ZDHHC22: variants seen among roughly 807,000 people sequenced by gnomAD.
ZDHHC22 encodes the protein palmitoyltransferase ZDHHC22.
A neutral mutation model predicts 17.0 loss-of-function variants in ZDHHC22; 13 were observed. That is an observed-to-expected ratio of 0.76 (90% CI 0.50 to 1.21). The LOEUF is 1.21. ZDHHC22 is among the 50% of genes most tolerant of loss of function. The pLI is 0.00. For missense variants in ZDHHC22, 319 were observed against 342.3 expected, an observed-to-expected ratio of 0.93 and a Z score of 0.54; for synonymous variants, 138 against 154.7, an observed-to-expected ratio of 0.89 and a Z score of 0.80.
At position 77,137,577 on chromosome 14, in the gene ZDHHC22, C is replaced by T. The variant is rs946850129; in HGVS notation, c.526+1636G>A. Among the ~76,000 whole-genome samples the T allele has an allele frequency of 3.7e-5, 4 of 108,792 alleles. 1 individual carries two copies. The highest frequency in any genetic ancestry group is 7.2e-5 in the African/African-American group (2 of 27,636). 71.4% of individuals were successfully genotyped at this position (108,792 alleles called of 152,430 possible). ...CTCCCCCGTCCTGGTTATTTTGGTC[C>T]CGGCAGCCTCCTGTGCCAGTGCTGG... On this transcript the variant is annotated intron_variant, in intron 2 of 2. Coordinates refer to ENST00000319374, the MANE Select transcript of ZDHHC22 (RefSeq NM_174976.2).
chr14:77,135,193 G>GGGT (rs1462283146), intron 2 of ZDHHC22, among the ~76,000 whole-genome samples: 2 of 150,490 alleles, frequency 1.3e-5, no homozygotes, highest in Admixed American at 6.6e-5. Flanking sequence ...CCTCTGGTGG[G>GGGT]GGGGGGGCAC....
At chr14:77,138,461 G>A (rs1367921491) in intron 2 of ZDHHC22, among the ~76,000 whole-genome samples, 1 of 152,286 alleles carries the variant, frequency 6.6e-6, no homozygotes, top group East Asian at 1.9e-4. Flanking sequence ...GGGAGGTTGA[G>A]GCAAGAGAAT....
At position 77,131,557 on chromosome 14, in the gene ZDHHC22, C is replaced by A. The variant is rs537723098; in HGVS notation, c.*2126G>T. 2.0e-5 allele frequency: 3 copies of A among 152,340 alleles called. No individual in the cohort carries two copies. The South Asian group carries it at 6.2e-4, about 32-fold the overall frequency. The allele number at this position is 152,340 out of a possible 1,614,324, so 9.4% of individuals were successfully genotyped here. A position where few individuals can be genotyped will look rare whatever the true frequency, so the allele number is the denominator to read the frequency against. On this transcript the variant is annotated 3_prime_UTR_variant, in exon 3 of 3. Transcript: ENST00000319374. ...AAAATTGCCCAGATCTTCCCCTCCT[C>A]CCTCTCCCTCCCATTGCTTAAGTAT...
Position 77,140,795 on chromosome 14 carries a change from C to T in ZDHHC22, c.-15+808G>A, listed in dbSNP as rs930594347. Reference sequence around the variant, plus strand: ...ATCGACCCCGCCGCCGTGCTCAGCCCTCACCACGTCCCCATCCCACCCCAC... The same window carrying T: ...ATCGACCCCGCCGCCGTGCTCAGCCTTCACCACGTCCCCATCCCACCCCAC... On this transcript the variant is annotated intron_variant, in intron 1 of 2. Coordinates refer to ENST00000319374, the MANE Select transcript of ZDHHC22 (RefSeq NM_174976.2). This position sits in a 1 kb window ranked among gnomAD's most constrained non-coding sequence, Gnocchi z 5.9. 5.3e-5 allele frequency: 8 copies of T among 152,244 alleles called. No homozygotes were observed. Among genetic ancestry groups the T allele is most frequent in the African/African-American group, 1.9e-4 (8 of 41,446 alleles). The allele number at this position is 152,244 out of a possible 1,614,324, so 9.4% of individuals were successfully genotyped here.
chr14:77,139,491 G>C lies in ZDHHC22; in HGVS notation c.248C>G (p.Ser83Trp), dbSNP rs200313152. The change falls in exon 2 of 3, where the codon TCG becomes TGG. Residue 83 changes from serine to tryptophan, a missense_variant. Coordinates refer to ENST00000319374, the MANE Select transcript of ZDHHC22 (RefSeq NM_174976.2). ...TGAGGGGCATGGAGTCTTCCTGGCC[G>C]AGGCCCCCTGGCAGGCCCCCAGGTC... is the stretch of plus-strand genomic sequence containing the variant. ...PDDLGACQGA[S>W]ARKTPCPSPS... 1.8e-4 allele frequency: 291 copies of C among 1,612,668 alleles called. No homozygotes were observed. The African/African-American group carries it at 3.1e-3, about 17-fold the overall frequency.
chr14:77,134,071 G>T (rs1483314532), intron 2 of ZDHHC22, 123 bp from the exon 3 acceptor site: 6 of 1,237,318 alleles, frequency 4.8e-6, no homozygotes, highest in African/African-American at 1.5e-5. Flanking sequence ...GCTACATTTT[G>T]TAGCAACCTC....
rs1322975148 is a variant in ZDHHC22, at chr14:77,139,715, G to A, written c.24C>T (p.Asn8=). ...ACAAGAAGTAGGCGGGGGCCACCAC[G>A]TTGAGCAGCCGCAGGGCCAGCATCC... MLALRLL[N]VVAPAYFLCI... Residue 8 remains asparagine, a synonymous_variant, in exon 2 of 3, where the codon AAC becomes AAT. Transcript: ENST00000319374. The A allele has an allele frequency of 3.3e-6, 5 of 1,516,938 alleles. No homozygotes were observed. Among genetic ancestry groups the A allele is most frequent in the Non-Finnish European group, 3.5e-6 (4 of 1,132,762 alleles). The allele number at this position is 1,516,938 out of a possible 1,614,324, so 94.0% of individuals were successfully genotyped here.
At chr14:77,141,176 G>C (rs575066609) in intron 1 of ZDHHC22, 1 of 152,086 alleles carries the variant, frequency 6.6e-6, no homozygotes, top group South Asian at 2.1e-4. Flanking sequence ...GCCGCCGGGG[G>C]CTGCGGCGGT....
At chr14:77,134,051 T>C (rs1455748163) in intron 2 of ZDHHC22, 103 bp from the exon 3 acceptor site, 1 of 1,346,950 alleles carries the variant, frequency 7.4e-7, no homozygotes, top group Middle Eastern at 2.5e-4. Context: ...GGGAGATTAA[T>C]GAGATTGACG....
intron 2 of ZDHHC22, among the ~76,000 whole-genome samples, chr14:77,135,550 G>A (rs1226475994): frequency 1.3e-5 from 2 of 152,152 alleles, no homozygotes; most frequent in Non-Finnish European, 2.9e-5. Context: ...TGGCACAGGG[G>A]CAGCAGTGGG....
At chr14:77,139,017 G>GT (rs1302770276) in intron 2 of ZDHHC22, among the ~76,000 whole-genome samples, 196 bp downstream of exon 2, 2 of 152,176 alleles carry the variant, frequency 1.3e-5, no homozygotes, top group Non-Finnish European at 2.9e-5. Context: ...TTTTCTCAGT[G>GT]TATCTCATAC....
rs191739417 is a variant in ZDHHC22 at position 77,132,352 on chromosome 14, C to T, written c.*1331G>A. 2.0e-5 allele frequency: 3 copies of T among 152,346 alleles called. No homozygotes were observed. The highest frequency in any genetic ancestry group is 4.4e-5 in the Non-Finnish European group (3 of 68,104). 9.4% of individuals were successfully genotyped at this position (152,346 alleles called of 1,614,324 possible). On this transcript the variant is annotated 3_prime_UTR_variant, in exon 3 of 3. Transcript: ENST00000319374. ...CCTCAAATGTCAGTCCCCTCAACCA[C>T]CCAGGTAGCCCTGTCTCTGCAGAGA...
In ZDHHC22 at chr14:77,135,479, T is replaced by A. The variant is rs879265670; in HGVS notation, c.527-1531A>T. 2.9e-3 allele frequency among the ~76,000 whole-genome samples: 449 copies of A among 152,232 alleles called. 3 individuals are homozygous for A. The highest frequency in any genetic ancestry group is 4.8e-3 in the Non-Finnish European group (329 of 67,998). ...GAGCTTGGATAGCTGTATTATTTTT[T>A]TTTTTTTTTACAAAGCTGGGGACAG... On this transcript the variant is annotated intron_variant, in intron 2 of 2. Coordinates refer to ENST00000319374, the MANE Select transcript of ZDHHC22 (RefSeq NM_174976.2).
rs1887230670 is a variant in ZDHHC22, at chr14:77,140,403, A to G, written c.-14-651T>C. ...ACGTGTAATCTGTGTGCGCTTGAGT[A>G]TCTGTATTTGTGTATGTATATATCT... On this transcript the variant is annotated intron_variant, in intron 1 of 2. Transcript: ENST00000319374. The surrounding 1 kb of genome is among the most constrained non-coding windows in gnomAD (Gnocchi z 5.9). 1 of 152,060 alleles carries G rather than the reference A, an allele frequency of 6.6e-6. No individual in the cohort carries two copies. Among genetic ancestry groups the G allele is most frequent in the South Asian group, 2.1e-4 (1 of 4,824 alleles). 9.4% of individuals were successfully genotyped at this position (152,060 alleles called of 1,614,324 possible).
intron 2 of ZDHHC22, among the ~76,000 whole-genome samples, 160 bp from the exon 3 acceptor site, chr14:77,134,108 G>A (rs1054483003): frequency 7.9e-5 from 12 of 152,322 alleles, no homozygotes; most frequent in African/African-American, 2.9e-4. Context: ...TGAGGGAGAG[G>A]AAGGAAGAAC....
At chr14:77,137,452 C>T (rs542796473) in intron 2 of ZDHHC22, among the ~76,000 whole-genome samples, 6 of 152,256 alleles carry the variant, frequency 3.9e-5, no homozygotes, top group East Asian at 1.9e-4. Flanking sequence ...TTACGGTTGG[C>T]GAAACTACTT....
At position 77,133,760 on chromosome 14, in the gene ZDHHC22, C is replaced by A; in HGVS notation, c.715G>T (p.Gly239Ter). 1 of 1,614,028 alleles carries A rather than the reference C, an allele frequency of 6.2e-7. No individual in the cohort carries two copies. The highest frequency in any genetic ancestry group is 8.5e-7 in the Non-Finnish European group (1 of 1,179,902). The change falls in exon 3 of 3, where the codon GGA becomes TGA. Residue 239 changes from glycine (G) to a stop codon, truncating the protein, a stop_gained. Coordinates refer to ENST00000319374, the MANE Select transcript of ZDHHC22 (RefSeq NM_174976.2). LOFTEE classifies it high-confidence loss of function. ...PWRKNLQEVF[G>*]KRWLLGLLVP... Reference sequence around the variant, plus strand: ...AGCAGGCCCAGCAGCCACCTCTTTCCGAAGACCTCTTGTAAGTTCTTGCGC... The same window carrying A: ...AGCAGGCCCAGCAGCCACCTCTTTCAGAAGACCTCTTGTAAGTTCTTGCGC...
At chr14:77,137,116 G>A (rs1594830641) in intron 2 of ZDHHC22, among the ~76,000 whole-genome samples, 1 of 152,300 alleles carries the variant, frequency 6.6e-6, no homozygotes. Context: ...GGGAACAAGA[G>A]GAATGGGAAA....
chr14:77,140,032 G>A lies in ZDHHC22; in HGVS notation c.-14-280C>T, dbSNP rs568894467. Among the ~76,000 whole-genome samples, 1 of 152,314 alleles carries A rather than the reference G, an allele frequency of 6.6e-6. No individual in the cohort carries two copies. Among genetic ancestry groups the A allele is most frequent in the African/African-American group, 2.4e-5 (1 of 41,576 alleles). The stretch of plus-strand genomic sequence containing the variant: ...GGCGCGGCAGAGTCTGGCACAGGAG[G>A]GAGGGACTCGTTTGCAGTCTTTAGG... On this transcript the variant is annotated intron_variant, in intron 1 of 2. Transcript: ENST00000319374. The surrounding 1 kb of genome is among the most constrained non-coding windows in gnomAD (Gnocchi z 5.9).
Sources: gnomAD v4.1 joint callset for allele counts (sites outside exome capture counted in the v4.1 genomes callset) on GRCh38, gnomAD v4.1.1 for gene constraint, Gnocchi (gnomAD v3.1) non-coding constraint, MANE v1.5 for transcripts, NCBI Gene and HGNC (gene_info 2026-07-23, HGNC 2026-07-21) for gene names.